SMIM31: variants seen among roughly 807,000 people sequenced by gnomAD.
The protein encoded by SMIM31 is small integral membrane protein 31, also known as human epithelial cell program regulator.
intron 2 of SMIM31, among the ~76,000 whole-genome samples, chr4:164,793,561 G>C (rs891031448): frequency 6.6e-6 from 1 of 152,172 alleles, no homozygotes. Context: ...TTTATTCTGA[G>C]ACTGCTTCTC....
At chr4:164,799,228 T>A (rs1733251167) in intron 2 of SMIM31, among the ~76,000 whole-genome samples, 1 of 151,140 alleles carries the variant, frequency 6.6e-6, no homozygotes. Flanking sequence ...CCTCCAAAAC[T>A]ACAAAAACTA....
At chr4:164,773,924 T>C (rs1732846744) in intron 2 of SMIM31, among the ~76,000 whole-genome samples, 1 of 152,232 alleles carries the variant, frequency 6.6e-6, no homozygotes, top group South Asian at 2.1e-4. Flanking sequence ...CCCAGCACTT[T>C]GGGAGGCCGA....
chr4:164,782,013 G>A (rs369999132), intron 2 of SMIM31, among the ~76,000 whole-genome samples: 33 of 152,048 alleles, frequency 2.2e-4, no homozygotes, highest in East Asian at 5.8e-4. Flanking sequence ...ATTTTGGGCC[G>A]GGCATGGTGG....
rs1733196698 is a variant in SMIM31 at position 164,796,448 on chromosome 4, A to G, written c.113-4643A>G. 2.0e-5 allele frequency among the ~76,000 whole-genome samples: 3 copies of G among 152,084 alleles called. No individual in the cohort carries two copies. In the South Asian group the frequency reaches 6.2e-4, roughly 32 times the overall value. ...GACTCAGTCCTTCCACCTCCTCTCT[A>G]TCGGTACACATTCCCTTGGGGATCG... On this transcript the variant is annotated intron_variant, in intron 2 of 2. Transcript: ENST00000507311.
chr4:164,791,647 T>C (rs1273662456), intron 2 of SMIM31, among the ~76,000 whole-genome samples: 1 of 152,238 alleles, frequency 6.6e-6, no homozygotes, highest in Non-Finnish European at 1.5e-5. Flanking sequence ...AGTAATCATC[T>C]ATAGCAATGG....
chr4:164,791,894 C>T (rs1733106191), intron 2 of SMIM31, among the ~76,000 whole-genome samples: 1 of 152,112 alleles, frequency 6.6e-6, no homozygotes, highest in Non-Finnish European at 1.5e-5. Context: ...TATACCACTT[C>T]GTATGCCTTT....
chr4:164,775,185 C>A (rs1732863151), intron 2 of SMIM31, among the ~76,000 whole-genome samples: 1 of 152,306 alleles, frequency 6.6e-6, no homozygotes, highest in East Asian at 1.9e-4. Context: ...AGGAAAAGAA[C>A]TACCTTTCCC....
At chr4:164,794,375 CCT>C (rs958166195) in intron 2 of SMIM31, among the ~76,000 whole-genome samples, 1 of 151,384 alleles carries the variant, frequency 6.6e-6, no homozygotes, top group African/African-American at 2.4e-5. Flanking sequence ...AGAATGAGAC[CCT>C]GTCTCAGAAG....
intron 2 of SMIM31, among the ~76,000 whole-genome samples, chr4:164,772,058 C>T (rs1732809536): frequency 6.6e-6 from 1 of 152,044 alleles, no homozygotes; most frequent in Admixed American, 6.6e-5. Flanking sequence ...TAAAGAAATA[C>T]CTGAGACTGG....
At chr4:164,758,504 C>T (rs1245549362) in intron 1 of SMIM31, among the ~76,000 whole-genome samples, 7 of 151,830 alleles carry the variant, frequency 4.6e-5, no homozygotes, top group Non-Finnish European at 7.4e-5. Flanking sequence ...TCATACATGT[C>T]CTTTATTAAA....
chr4:164,776,078 T>C lies in SMIM31; in HGVS notation c.112+5523T>C, dbSNP rs144145070. ...TTTCCAAGGCTTTTGAGCATTCTTA[T>C]TGTTCCAAGTAGAAAATGTCCACCT... On this transcript the variant is annotated intron_variant, in intron 2 of 2. Transcript: ENST00000507311. Among the ~76,000 whole-genome samples, 30 of 152,326 alleles carry C rather than the reference T, an allele frequency of 2.0e-4. 1 individual carries two copies. The highest frequency in any genetic ancestry group is 3.4e-3 in the Middle Eastern group (1 of 294).
chr4:164,784,141 G>A (rs1398546555), intron 2 of SMIM31, among the ~76,000 whole-genome samples: 3 of 152,200 alleles, frequency 2.0e-5, no homozygotes, highest in African/African-American at 4.8e-5. Flanking sequence ...GGCCCAGCTG[G>A]GAGTTGAGAC....
chr4:164,769,362 C>T (rs1482532464), intron 1 of SMIM31, among the ~76,000 whole-genome samples: 2 of 151,990 alleles, frequency 1.3e-5, no homozygotes, highest in Admixed American at 1.3e-4. Context: ...TTCTATTATC[C>T]TTTGCTTAAC....
rs1028100233 is a variant in SMIM31 at position 164,754,398 on chromosome 4, C to G, written c.-39C>G. 1.3e-5 allele frequency: 2 copies of G among 151,694 alleles called. No homozygotes were observed. The highest frequency in any genetic ancestry group is 2.9e-5 in the Non-Finnish European group (2 of 67,976). The allele number at this position is 151,694 out of a possible 1,614,324, so 9.4% of individuals were successfully genotyped here. ...GTTCCTTCCTAGCCACTCTCAGGGACAGGAATGCTTCTGGTAAGTTTTTAT... is the reference window on the plus strand; with the variant it reads ...GTTCCTTCCTAGCCACTCTCAGGGAGAGGAATGCTTCTGGTAAGTTTTTAT... On this transcript the variant is annotated 5_prime_UTR_variant, in exon 1 of 3. Coordinates refer to ENST00000507311, the MANE Select transcript of SMIM31 (RefSeq NM_001352885.1).
At chr4:164,787,991 T>C (rs1341252994) in intron 2 of SMIM31, among the ~76,000 whole-genome samples, 3 of 152,228 alleles carry the variant, frequency 2.0e-5, no homozygotes, top group Middle Eastern at 3.2e-3. Flanking sequence ...GGTTCTACAC[T>C]CAGCTCTTCG....
chr4:164,774,168 GA>G (rs11322166), intron 2 of SMIM31, among the ~76,000 whole-genome samples: 54,078 of 121,150 alleles, frequency 0.45, 11,609 homozygotes, highest in South Asian at 0.6. Flanking sequence ...TCTGTCTCAA[GA>G]AAAAAAAAAA....
intron 1 of SMIM31, among the ~76,000 whole-genome samples, chr4:164,762,906 C>T (rs564877540): frequency 6.6e-6 from 1 of 152,198 alleles, no homozygotes; most frequent in East Asian, 1.9e-4. Flanking sequence ...CCTAAAGATA[C>T]CTGAATTCAT....
chr4:164,783,772 T>G (rs1342599320), intron 2 of SMIM31, among the ~76,000 whole-genome samples: 1 of 152,062 alleles, frequency 6.6e-6, no homozygotes, highest in Non-Finnish European at 1.5e-5. Flanking sequence ...TCTGAAAAAA[T>G]AAATACATAC....
intron 2 of SMIM31, among the ~76,000 whole-genome samples, chr4:164,800,167 CAG>C (rs2110968956): frequency 6.6e-6 from 1 of 152,116 alleles, no homozygotes; most frequent in South Asian, 2.1e-4. Flanking sequence ...CTTGAGGTTC[CAG>C]AGGACAGTCA....
Sources: gnomAD v4.1 joint callset for allele counts (sites outside exome capture counted in the v4.1 genomes callset) on GRCh38, gnomAD v4.1.1 for gene constraint, MANE v1.5 for transcripts, NCBI Gene and HGNC (gene_info 2026-07-23, HGNC 2026-07-21) for gene names.